Variants in NTM observed in about 807,000 individuals in gnomAD.
NTM encodes the protein IgLON family member 2.
In NTM, 13 loss-of-function variants were observed where a neutral mutation model predicts 42.1. That is an observed-to-expected ratio of 0.31 (90% CI 0.20 to 0.49). The LOEUF (loss-of-function observed/expected upper bound fraction) is 0.49, where lower values mean the gene tolerates loss of function less well. NTM is among the 20% of genes least tolerant of loss of function. The pLI, the probability that NTM is intolerant of heterozygous loss-of-function variation, is 0.99. For missense variants in NTM, 373 were observed against 452.8 expected, an observed-to-expected ratio of 0.82 and a Z score of 1.60; for synonymous variants, 187 against 179.2, an observed-to-expected ratio of 1.04 and a Z score of -0.35.
In NTM at chr11:132,211,085, G is replaced by A. The variant is rs374886576; in HGVS notation, c.401-937G>A. Among the ~76,000 whole-genome samples, 19 of 152,332 alleles carry A rather than the reference G, an allele frequency of 1.2e-4. 1 individual carries two copies. The highest frequency in any genetic ancestry group is 4.1e-4 in the African/African-American group (17 of 41,590). ...TTGAGATGTCCAAAAGGGCAGAGAA[G>A]TATAGAGGGTAGGGAAAGTTTCAAC... On this transcript the variant is annotated intron_variant, in intron 3 of 8. Transcript: ENST00000683400.
At chr11:132,100,119 C>A (rs111562509) in intron 2 of NTM, among the ~76,000 whole-genome samples, 1 of 152,112 alleles carries the variant, frequency 6.6e-6, no homozygotes. Flanking sequence ...TATGAGAGAC[C>A]TTTTTACATT....
chr11:131,411,860 C>G (rs1047486270), intron 1 of NTM, among the ~76,000 whole-genome samples: 5 of 152,122 alleles, frequency 3.3e-5, no homozygotes, highest in Admixed American at 1.3e-4. Context: ...GCCCTAAGGA[C>G]AGTTTTATGC....
At chr11:132,047,040 C>A (rs1414713039) in intron 2 of NTM, among the ~76,000 whole-genome samples, 1 of 152,316 alleles carries the variant, frequency 6.6e-6, no homozygotes. Context: ...GCTCAGAGAT[C>A]ATTTCCTGTT....
intron 3 of NTM, among the ~76,000 whole-genome samples, chr11:132,188,810 T>A (rs1592111298): frequency 6.6e-6 from 1 of 152,222 alleles, no homozygotes; most frequent in Non-Finnish European, 1.5e-5. Flanking sequence ...TAACTGATGC[T>A]AATCTAATCT....
intron 3 of NTM, among the ~76,000 whole-genome samples, chr11:132,184,934 T>TTTG (rs2078166438): frequency 6.6e-6 from 1 of 152,156 alleles, no homozygotes; most frequent in Admixed American, 6.6e-5. Flanking sequence ...CTTACCTTTT[T>TTTG]TTGTTGTTCT....
intron 4 of NTM, among the ~76,000 whole-genome samples, chr11:132,299,138 A>AC (rs11435869): frequency 0.26 from 39,412 of 151,350 alleles, 5,375 homozygotes; most frequent in African/African-American, 0.34. Context: ...TACTGAAAAT[A>AC]AAAAAAATTA....
chr11:131,411,431 G>A (rs2135754640), intron 1 of NTM, among the ~76,000 whole-genome samples: 2 of 152,100 alleles, frequency 1.3e-5, no homozygotes, highest in South Asian at 4.2e-4. Flanking sequence ...ACACTCAAAG[G>A]TAAGATGAGA....
At chr11:131,465,062 T>C (rs1283375999) in intron 1 of NTM, among the ~76,000 whole-genome samples, 2 of 152,228 alleles carry the variant, frequency 1.3e-5, no homozygotes, top group Non-Finnish European at 2.9e-5. Flanking sequence ...TTCTCCCCAA[T>C]GGTGGATAAA....
chr11:131,647,326 A>G (rs188941672), intron 1 of NTM, among the ~76,000 whole-genome samples: 12 of 152,352 alleles, frequency 7.9e-5, no homozygotes, highest in African/African-American at 2.4e-4. Flanking sequence ...GCGCGGATGG[A>G]CATCAATAGG....
At chr11:131,585,522 C>T (rs985046308) in intron 1 of NTM, among the ~76,000 whole-genome samples, 1 of 152,190 alleles carries the variant, frequency 6.6e-6, no homozygotes, top group Admixed American at 6.5e-5. Context: ...AAGCCAACAC[C>T]ACCATGTTGT....
At chr11:132,106,592 C>T (rs1210382296) in intron 2 of NTM, among the ~76,000 whole-genome samples, 1 of 152,256 alleles carries the variant, frequency 6.6e-6, no homozygotes, top group African/African-American at 2.4e-5. Context: ...GCTCTGGCCA[C>T]TTGGCATTTG....
chr11:132,261,392 C>T (rs1162246519), intron 4 of NTM, among the ~76,000 whole-genome samples: 1 of 152,104 alleles, frequency 6.6e-6, no homozygotes, highest in African/African-American at 2.4e-5. Context: ...TATGAGTGCA[C>T]CTGGGGGGCA....
intron 7 of NTM, among the ~76,000 whole-genome samples, chr11:132,321,606 A>G (rs568550027): frequency 2.0e-5 from 3 of 152,344 alleles, no homozygotes; most frequent in East Asian, 3.9e-4. Context: ...AACATTCTGC[A>G]GAATATTATC....
At chr11:132,282,663 A>C (rs894108389) in intron 4 of NTM, among the ~76,000 whole-genome samples, 2 of 152,210 alleles carry the variant, frequency 1.3e-5, no homozygotes, top group Non-Finnish European at 2.9e-5. Context: ...ACTCAGTTGG[A>C]ATAAGTTTTT....
chr11:131,461,359 G>A (rs973310209), intron 1 of NTM, among the ~76,000 whole-genome samples: 2 of 152,156 alleles, frequency 1.3e-5, no homozygotes, highest in African/African-American at 2.4e-5. Context: ...TTCCATGTCT[G>A]TATAGTGACT....
At chr11:132,016,739 G>T (rs560483385) in intron 2 of NTM, among the ~76,000 whole-genome samples, 1 of 152,038 alleles carries the variant, frequency 6.6e-6, no homozygotes, top group African/African-American at 2.4e-5. Context: ...CAAAGTGGTT[G>T]TAACATTTTA....
Position 132,307,773 on chromosome 11 carries a change from C to T in NTM, c.611C>T (p.Ser204Phe). 1 of 1,614,202 alleles carries T rather than the reference C, an allele frequency of 6.2e-7. No individual in the cohort carries two copies. Among genetic ancestry groups the T allele is most frequent in the Non-Finnish European group, 8.5e-7 (1 of 1,180,042 alleles). The change falls in exon 5 of 9, where the codon TCC (serine) becomes TTC (phenylalanine). Residue 204 changes from serine to phenylalanine, a missense_variant. This residue lies in a region of NTM where 312 missense variants were observed against 353.5 expected (regional missense o/e 0.88). Coordinates refer to ENST00000683400, the MANE Select transcript of NTM (RefSeq NM_001352005.2). ...EQSGDYECSA[S>F]NDVAAPVVRR... Reference sequence around the variant, plus strand: ...TCAGGGGACTACGAGTGCAGTGCCTCCAATGACGTGGCCGCGCCCGTGGTA... The same window carrying T: ...TCAGGGGACTACGAGTGCAGTGCCTTCAATGACGTGGCCGCGCCCGTGGTA...
At chr11:132,093,235 C>T (rs1369070378) in intron 2 of NTM, among the ~76,000 whole-genome samples, 1 of 152,152 alleles carries the variant, frequency 6.6e-6, no homozygotes, top group African/African-American at 2.4e-5. Context: ...TCAACTCTGG[C>T]AATACAGACT....
Position 131,714,182 on chromosome 11 carries a change from TTTTA to T in NTM, c.83-197362_83-197359del, listed in dbSNP as rs527530470. On this transcript the variant is annotated intron_variant, in intron 1 of 8. Coordinates refer to ENST00000683400, the MANE Select transcript of NTM (RefSeq NM_001352005.2). ...AAGCTGCTGATCACCAGCTTCAGATTTTTATTTATTTATTTATTTATTTTAAGAC... is the reference window on the plus strand; with the variant it reads ...AAGCTGCTGATCACCAGCTTCAGATTTTTATTTATTTATTTATTTTAAGAC... 4.3e-3 allele frequency among the ~76,000 whole-genome samples: 654 copies of T among 151,896 alleles called. 3 individuals are homozygous for T. The highest frequency in any genetic ancestry group is 0.015 in the African/African-American group (618 of 41,350).
Sources: gnomAD v4.1 joint callset for allele counts (sites outside exome capture counted in the v4.1 genomes callset) on GRCh38, gnomAD v4.1.1 for gene constraint, gnomAD v4.1.1 regional missense constraint, MANE v1.5 for transcripts, NCBI Gene and HGNC (gene_info 2026-07-23, HGNC 2026-07-21) for gene names.